Variants in RABGAP1L observed in about 807,000 individuals in gnomAD.
The protein encoded by RABGAP1L is RAB GTPase activating protein 1 like, also known as rab GTPase-activating protein 1-like.
A neutral mutation model predicts 137.7 loss-of-function variants in RABGAP1L; 63 were observed. The observed-to-expected ratio is 0.46, with a 90% CI of 0.37 to 0.56. The LOEUF (loss-of-function observed/expected upper bound fraction) is 0.56, where lower values mean the gene tolerates loss of function less well. Ranked by LOEUF, RABGAP1L falls within the 20% of genes least tolerant of loss-of-function variation. The pLI, the probability that RABGAP1L is intolerant of heterozygous loss-of-function variation, is 0.00. For missense variants in RABGAP1L, 1,095 were observed against 1,244.0 expected (o/e 0.88, Z 1.80); for synonymous variants, 431 against 433.7 (o/e 0.99, Z 0.08).
chr1:174,266,116 C>A (rs547727545), intron 7 of RABGAP1L, among the ~76,000 whole-genome samples: 40 of 152,082 alleles, frequency 2.6e-4, no homozygotes, highest in African/African-American at 9.4e-4. Context: ...TATAGAGTAC[C>A]CTCATCTGGG....
At chr1:174,433,086 A>G (rs1486510833) in intron 13 of RABGAP1L, among the ~76,000 whole-genome samples, 1 of 152,182 alleles carries the variant, frequency 6.6e-6, no homozygotes, top group Non-Finnish European at 1.5e-5. Flanking sequence ...TTCATAACCA[A>G]CTTTTAAAGG....
At chr1:174,454,842 G>A (rs772578492) in intron 13 of RABGAP1L, among the ~76,000 whole-genome samples, 92 of 151,936 alleles carry the variant, frequency 6.1e-4, no homozygotes, top group Non-Finnish European at 2.1e-4. Context: ...ATGAGCGACC[G>A]CCCCGGCCCA....
At chr1:174,348,456 A>T (rs996809406) in intron 11 of RABGAP1L, among the ~76,000 whole-genome samples, 8 of 148,086 alleles carry the variant, frequency 5.4e-5, no homozygotes, top group South Asian at 2.1e-4. Flanking sequence ...TTATTTATTT[A>T]TTTTTTTTAA....
intron 15 of RABGAP1L, among the ~76,000 whole-genome samples, chr1:174,699,287 T>A (rs951133562): frequency 3.9e-5 from 6 of 152,238 alleles, no homozygotes; most frequent in African/African-American, 1.4e-4. Flanking sequence ...ATGAGTGTAT[T>A]GCCTGTTTTT....
chr1:174,443,386 A>G (rs2149237065), intron 13 of RABGAP1L, among the ~76,000 whole-genome samples: 1 of 152,042 alleles, frequency 6.6e-6, no homozygotes, highest in South Asian at 2.1e-4. Context: ...AGCGTTTGTT[A>G]CTTTTTGTCT....
chr1:174,632,197 T>C (rs1175862358), intron 13 of RABGAP1L, among the ~76,000 whole-genome samples: 5 of 132,960 alleles, frequency 3.8e-5, no homozygotes, highest in African/African-American at 1.2e-4. Flanking sequence ...AAAATTCTTT[T>C]CTTTAAGAAT....
chr1:174,899,480 C>A lies in RABGAP1L; in HGVS notation c.2341-57977C>A, dbSNP rs116438208. ...ATTAGGCCAATTATTTAAACTTGGG[C>A]AATTCATTTGATCTTCCTAGTTCTA... On this transcript the variant is annotated intron_variant, in intron 19 of 25. Transcript: ENST00000681986. Among the ~76,000 whole-genome samples the A allele has an allele frequency of 9.1e-3, 1,378 of 152,210 alleles. 20 individuals carry two copies. Among genetic ancestry groups the A allele is most frequent in the African/African-American group, 0.032 (1,320 of 41,530 alleles).
intron 13 of RABGAP1L, among the ~76,000 whole-genome samples, chr1:174,470,159 G>A (rs1353536490): frequency 6.6e-6 from 1 of 151,958 alleles, no homozygotes; most frequent in Non-Finnish European, 1.5e-5. Context: ...TCCCCATCTC[G>A]CAGAATAGAT....
At chr1:174,622,337 A>G (rs1672571110) in intron 13 of RABGAP1L, among the ~76,000 whole-genome samples, 1 of 152,232 alleles carries the variant, frequency 6.6e-6, no homozygotes, top group Non-Finnish European at 1.5e-5. Flanking sequence ...CATTTGACCC[A>G]GCCATCCCAT....
intron 5 of RABGAP1L, chr1:174,242,944 AG>A (rs1671950163): frequency 5.9e-5 from 9 of 152,146 alleles, no homozygotes; most frequent in Admixed American, 5.9e-4. Context: ...TCTGTGAATG[AG>A]GGGGGCTATT....
At chr1:174,766,612 G>A (rs940294849) in intron 18 of RABGAP1L, among the ~76,000 whole-genome samples, 5 of 152,160 alleles carry the variant, frequency 3.3e-5, no homozygotes, top group Non-Finnish European at 7.4e-5. Flanking sequence ...GGATCAGTTT[G>A]TCAGTTTCTG....
chr1:174,777,805 G>A (rs1686648666), intron 18 of RABGAP1L, among the ~76,000 whole-genome samples: 1 of 152,082 alleles, frequency 6.6e-6, no homozygotes, highest in Non-Finnish European at 1.5e-5. Flanking sequence ...GAAAAGATTA[G>A]TGAACTTGAA....
At position 174,789,833 on chromosome 1, in the gene RABGAP1L, C is replaced by A. The variant is rs1353452424; in HGVS notation, c.2212-21999C>A. ...TTTGTGTTTGTTTTCCTCTCAATACCCTTGCCAATTAACATTTTTTGAATC... is the reference window on the plus strand; with the variant it reads ...TTTGTGTTTGTTTTCCTCTCAATACACTTGCCAATTAACATTTTTTGAATC... On this transcript the variant is annotated intron_variant, in intron 18 of 25. Coordinates refer to ENST00000681986, the MANE Select transcript of RABGAP1L (RefSeq NM_001366446.1). 2.0e-5 allele frequency among the ~76,000 whole-genome samples: 3 copies of A among 152,162 alleles called. No individual in the cohort carries two copies. The East Asian group carries it at 5.8e-4, about 29-fold the overall frequency.
At chr1:174,191,850 A>G (rs1171026539) in intron 1 of RABGAP1L, among the ~76,000 whole-genome samples, 1 of 152,228 alleles carries the variant, frequency 6.6e-6, no homozygotes, top group African/African-American at 2.4e-5. Flanking sequence ...GCACAGGGAA[A>G]TGTTCGGATT....
At chr1:174,460,926 A>T (rs963639191) in intron 13 of RABGAP1L, among the ~76,000 whole-genome samples, 1 of 152,082 alleles carries the variant, frequency 6.6e-6, no homozygotes, top group African/African-American at 2.4e-5. Flanking sequence ...ATTTAAACCA[A>T]ATTGTCTCAA....
chr1:174,606,507 T>A (rs2148191187), intron 13 of RABGAP1L, among the ~76,000 whole-genome samples: 1 of 152,320 alleles, frequency 6.6e-6, no homozygotes, highest in East Asian at 1.9e-4. Flanking sequence ...TTTAAGACGT[T>A]AATTGGTTGG....
intron 18 of RABGAP1L, among the ~76,000 whole-genome samples, chr1:174,783,692 TTTC>T (rs1211784512): frequency 1.5e-4 from 22 of 147,188 alleles, no homozygotes; most frequent in African/African-American, 2.5e-4. Flanking sequence ...TTTGATATGT[TTTC>T]TTCTTCTTCT....
intron 13 of RABGAP1L, among the ~76,000 whole-genome samples, chr1:174,395,691 A>G (rs1558197794): frequency 6.6e-6 from 1 of 152,166 alleles, no homozygotes; most frequent in Non-Finnish European, 1.5e-5. Context: ...ATTTGTTCAT[A>G]TGAATATCTA....
intron 19 of RABGAP1L, among the ~76,000 whole-genome samples, chr1:174,890,290 CA>C (rs1326442759): frequency 3.3e-5 from 5 of 152,162 alleles, no homozygotes; most frequent in African/African-American, 1.2e-4. Context: ...GCTCCTGTCA[CA>C]CCTTGCACCC....
Sources: allele counts gnomAD v4.1 joint callset (sites outside exome capture counted in the v4.1 genomes callset), GRCh38; gene constraint gnomAD v4.1.1; transcripts MANE v1.5; gene names NCBI Gene and HGNC (gene_info 2026-07-23, HGNC 2026-07-21).